The following ABCA9 variants were observed in gnomAD, a reference collection of about 807,000 sequenced individuals.
ABCA9 encodes the protein ATP binding cassette subfamily A member 9.
ABCA9 carries 183 observed loss-of-function variants against 205.3 expected under a neutral mutation model. The observed-to-expected ratio is 0.89, with a 90% CI of 0.79 to 1.01. ABCA9 has a LOEUF of 1.01. ABCA9 is among the 50% of genes least tolerant of loss of function. The probability of loss-of-function intolerance (pLI) is 0.00; values close to 1 mark genes in which losing one functional copy is unlikely to be tolerated. For synonymous variants in ABCA9, 651 were observed against 683.3 expected (o/e 0.95, Z 0.74); for missense variants, 1,805 against 1,912.4 (o/e 0.94, Z 1.05).
intron 3 of ABCA9, among the ~76,000 whole-genome samples, chr17:69,048,301 G>T (rs1329949521): frequency 6.6e-6 from 1 of 152,176 alleles, no homozygotes. Flanking sequence ...GGCTCAAAAG[G>T]CTTCAGATTT....
Position 69,012,087 on chromosome 17 carries a change from A to AAATC in ABCA9, c.3040-8_3040-5dup. 1 of 1,599,158 alleles carries AAATC rather than the reference A, an allele frequency of 6.3e-7. No individual in the cohort carries two copies. The highest frequency in any genetic ancestry group is 8.5e-7 in the Non-Finnish European group (1 of 1,169,882). The stretch of plus-strand genomic sequence containing the variant: ...CATACTCATAATCCATATGCTCCTG[A>AAATC]AATCATGTGGAACATGGTGAGCTGA... On this transcript the variant is annotated splice_polypyrimidine_tract_variant and splice_region_variant and intron_variant, in intron 22 of 38. Transcript: ENST00000340001.
At position 69,013,689 on chromosome 17, in the gene ABCA9, AGACACTGGATGCCTCCTG is replaced by A. The variant is rs375498004; in HGVS notation, c.3040-1624_3040-1607del. ...CTGACAGGGTCCTTCCTAAGCTGAA[AGACACTGGATGCCTCCTG>A]GGTAGTTTGGCCGGGTGATGACTTG... On this transcript the variant is annotated intron_variant, in intron 22 of 38. Coordinates refer to ENST00000340001, the MANE Select transcript of ABCA9 (RefSeq NM_080283.4). Among the ~76,000 whole-genome samples, 583 of 152,256 alleles carry A rather than the reference AGACACTGGATGCCTCCTG, an allele frequency of 3.8e-3. 6 individuals are homozygous for A. Among genetic ancestry groups the A allele is most frequent in the African/African-American group, 0.013 (561 of 41,566 alleles).
intron 29 of ABCA9, 110 bp from the exon 30 acceptor site, chr17:68,990,040 A>G: frequency 1.3e-6 from 1 of 762,776 alleles, no homozygotes; most frequent in Non-Finnish European, 2.2e-6. Flanking sequence ...GAATCAAACC[A>G]CTTCTTCCCC....
intron 31 of ABCA9, among the ~76,000 whole-genome samples, chr17:68,987,148 T>C (rs1260701284): frequency 6.6e-6 from 1 of 152,246 alleles, no homozygotes; most frequent in Non-Finnish European, 1.5e-5. Flanking sequence ...GTGTTTGTTT[T>C]ATCATTGATG....
rs1387246341 is a variant in ABCA9 at position 68,998,077 on chromosome 17, G to A, written c.3436-2063C>T. Among the ~76,000 whole-genome samples, 7 of 152,066 alleles carry A rather than the reference G, an allele frequency of 4.6e-5. 1 individual carries two copies. Among genetic ancestry groups the A allele is most frequent in the South Asian group, 2.1e-4 (1 of 4,824 alleles). ...ATTGGCTTCTTTCACTTAGTAATACGCATTTAAGTTTCCTCCATGTCTTTT... is the reference window on the plus strand; with the variant it reads ...ATTGGCTTCTTTCACTTAGTAATACACATTTAAGTTTCCTCCATGTCTTTT... On this transcript the variant is annotated intron_variant, in intron 25 of 38. Transcript: ENST00000340001.
chr17:69,020,534 G>T lies in ABCA9; in HGVS notation c.2454C>A (p.Ser818Arg), dbSNP rs1217390765. The change falls in exon 19 of 39, where the codon AGC (serine) becomes AGA (arginine). Residue 818 changes from serine (S) to arginine (R), a missense_variant. By Grantham distance (110) the Ser-to-Arg change is moderately radical. Coordinates refer to ENST00000340001, the MANE Select transcript of ABCA9 (RefSeq NM_080283.4). ...ACAAAACTTGTTCCAGCTCAACAAG[G>T]CTTCCTATATCTTTTGCCCCATCAG... is the stretch of plus-strand genomic sequence containing the variant. ...LQTDGAKDIG[S>R]LVELEQVLSS... 1 of 1,613,980 alleles carries T rather than the reference G, an allele frequency of 6.2e-7. No homozygotes were observed. Among genetic ancestry groups the T allele is most frequent in the Admixed American group, 1.7e-5 (1 of 59,992 alleles).
At chr17:69,003,749 G>T (rs925376595) in intron 25 of ABCA9, among the ~76,000 whole-genome samples, 5 of 151,584 alleles carry the variant, frequency 3.3e-5, no homozygotes, top group Admixed American at 2.6e-4. Context: ...TCACTTTCAG[G>T]TACACCAATC....
intron 8 of ABCA9, 92 bp from the exon 9 acceptor site, chr17:69,033,965 G>C: frequency 9.9e-7 from 1 of 1,009,368 alleles, no homozygotes; most frequent in Non-Finnish European, 1.5e-6. Flanking sequence ...GGTTTGCAAA[G>C]ATAAATAAGA....
chr17:69,013,317 A>G (rs548049969), intron 22 of ABCA9, among the ~76,000 whole-genome samples: 3 of 152,316 alleles, frequency 2.0e-5, no homozygotes, highest in African/African-American at 7.2e-5. Context: ...GTCATCTGGT[A>G]TGATGAGTTT....
chr17:69,001,517 G>C (rs986529799), intron 25 of ABCA9, among the ~76,000 whole-genome samples: 3 of 150,872 alleles, frequency 2.0e-5, no homozygotes, highest in Non-Finnish European at 4.4e-5. Context: ...GATTCGGTTT[G>C]CCAGTATTTT....
Position 69,060,856 on chromosome 17 carries a change from G to A in ABCA9, c.-14+10C>T, listed in dbSNP as rs1435443614. 3.0e-6 allele frequency: 3 copies of A among 985,088 alleles called. No individual in the cohort carries two copies. The highest frequency in any genetic ancestry group is 4.7e-5 in the South Asian group (1 of 21,282). The allele number at this position is 985,088 out of a possible 1,614,324, so 61.0% of individuals were successfully genotyped here. A position where few individuals can be genotyped will look rare whatever the true frequency, so the allele number is the denominator to read the frequency against. On this transcript the variant is annotated intron_variant, in intron 1 of 38. Transcript: ENST00000340001. ...ATGCAAAATAACCACAATTTTAGAG[G>A]TTAACTTACTCTCAGGAAAGCTGGA... is the stretch of plus-strand genomic sequence containing the variant.
chr17:68,990,938 C>A lies in ABCA9; in HGVS notation c.3736G>T (p.Ala1246Ser). 6.2e-7 allele frequency: 1 copy of A among 1,610,470 alleles called. No homozygotes were observed. Among genetic ancestry groups the A allele is most frequent in the Non-Finnish European group, 8.5e-7 (1 of 1,179,118 alleles). ...PVFRISPRSN[A>S]IFPNPEEPEG... ...GGCTCTTCTGGGTTTGGAAAAATAGCGTTGCTTCTTGGAGAAATTCTGAAA... is the reference window on the plus strand; with the variant it reads ...GGCTCTTCTGGGTTTGGAAAAATAGAGTTGCTTCTTGGAGAAATTCTGAAA... The change falls in exon 29 of 39, where the codon GCT becomes TCT. Residue 1246 changes from alanine to serine, a missense_variant. Physicochemically the swap from Ala to Ser is moderately conservative, Grantham distance 99. Transcript: ENST00000340001.
chr17:69,004,283 C>T (rs1272332046), intron 25 of ABCA9, among the ~76,000 whole-genome samples: 1 of 152,172 alleles, frequency 6.6e-6, no homozygotes, highest in African/African-American at 2.4e-5. Context: ...TGGTGATGTA[C>T]AGATGGGGTT....
At chr17:68,988,797 C>T (rs1483114204) in intron 31 of ABCA9, among the ~76,000 whole-genome samples, 1 of 152,038 alleles carries the variant, frequency 6.6e-6, no homozygotes, top group Non-Finnish European at 1.5e-5. Context: ...AGATATATTT[C>T]CTTTTAAAAT....
At chr17:68,984,274 G>T in intron 34 of ABCA9, 99 bp from the exon 35 acceptor site, 3 of 1,527,534 alleles carry the variant, frequency 2.0e-6, no homozygotes, top group Non-Finnish European at 1.8e-6. Context: ...GAAACATGCA[G>T]CGAATTCAGA....
At chr17:69,033,018 T>C (rs570395503) in intron 9 of ABCA9, 13 of 151,788 alleles carry the variant, frequency 8.6e-5, no homozygotes, top group African/African-American at 2.2e-4. Context: ...ATAGGAAAGA[T>C]TGTACATAAG....
intron 10 of ABCA9, among the ~76,000 whole-genome samples, chr17:69,029,834 T>A (rs2071102863): frequency 6.6e-6 from 1 of 151,882 alleles, no homozygotes; most frequent in South Asian, 2.1e-4. Flanking sequence ...CCAAAGAAGA[T>A]GAGAGAGGAG....
At chr17:69,035,610 T>TAG (rs749301623) in intron 7 of ABCA9, 50 bp downstream of exon 7, 22 of 1,594,690 alleles carry the variant, frequency 1.4e-5, no homozygotes, top group Middle Eastern at 1.7e-4. Context: ...TTATTGGCAG[T>TAG]AGAGAGAGAG....
At chr17:69,061,718 T>C (rs550682402), upstream of ABCA9, among the ~76,000 whole-genome samples, 1 of 152,346 alleles carries the variant, frequency 6.6e-6, no homozygotes, top group African/African-American at 2.4e-5. Context: ...TAGAGAAACA[T>C]TTTTAACTGG....
Sources: allele counts gnomAD v4.1 joint callset (sites outside exome capture counted in the v4.1 genomes callset), GRCh38; gene constraint gnomAD v4.1.1; transcripts MANE v1.5; gene names NCBI Gene and HGNC (gene_info 2026-07-23, HGNC 2026-07-21).